The following TRPM5 variants were observed in gnomAD, a reference collection of about 807,000 sequenced individuals.
The protein encoded by TRPM5 is MLSN1 and TRP-related.
TRPM5 carries 121 observed loss-of-function variants against 124.9 expected under a neutral mutation model. The ratio of observed to expected loss-of-function variants is 0.97; its 90% CI spans 0.84 to 1.13. TRPM5 has a LOEUF of 1.13. Among genes scored for constraint, TRPM5 ranks in the 50% most tolerant of loss-of-function variants. The probability of loss-of-function intolerance (pLI) is 0.00; values close to 1 mark genes in which losing one functional copy is unlikely to be tolerated. For synonymous variants in TRPM5, 781 were observed against 700.5 expected (o/e 1.11, Z -1.81); for missense variants, 1,643 against 1,589.1 (o/e 1.03, Z -0.58).
chr11:2,422,007 C>CA lies in TRPM5; in HGVS notation c.298+133_298+134insT, dbSNP rs1454128237. ...TGTGGGGTGGGAGCATTGCCTGTGC[C>CA]GGGTGGGGGGACAGTCAGGGGGTCT... On this transcript the variant is annotated intron_variant, in intron 2 of 23. Transcript: ENST00000155858. 600 of 682,456 alleles carry CA rather than the reference C, an allele frequency of 8.8e-4. 1 individual carries two copies. The highest frequency in any genetic ancestry group is 5.6e-3 in the East Asian group (171 of 30,530). The allele number at this position is 682,456 out of a possible 1,614,324, so 42.3% of individuals were successfully genotyped here. A position where few individuals can be genotyped will look rare whatever the true frequency, so the allele number is the denominator to read the frequency against.
intron 7 of TRPM5, 72 bp downstream of exon 12, chr11:2,417,655 C>A: frequency 2.3e-6 from 3 of 1,298,924 alleles, no homozygotes; most frequent in Non-Finnish European, 2.2e-6. Context: ...GGCCAGGCTG[C>A]CAAACCCCAA....
exon 20 of TRPM5, chr11:2,407,169 G>C (rs143447627): frequency 6.2e-7 from 1 of 1,611,026 alleles, no homozygotes; most frequent in Non-Finnish European, 8.5e-7. Flanking sequence ...CCGGCGGAGC[G>C]TCAGGCTCAG....
intron 2 of TRPM5, among the ~76,000 whole-genome samples, chr11:2,421,860 C>A (rs925492575): frequency 5.9e-5 from 9 of 152,162 alleles, no homozygotes; most frequent in African/African-American, 2.2e-4. Context: ...CCAGGCCCAG[C>A]TGGGGGAGGT....
the TRPM5 span, among the ~76,000 whole-genome samples, chr11:2,432,527 G>A: frequency 9.1e-3 from 1,390 of 152,316 alleles, 23 homozygotes; most frequent in African/African-American, 0.03. Context: ...TGACCCCAGT[G>A]TCCAGGAGAG....
chr11:2,414,134 C>T lies in TRPM5; in HGVS notation c.1817G>A (p.Trp606Ter), dbSNP rs1440522343. Residue 606 changes from tryptophan to a stop codon, truncating the protein, a stop_gained, in exon 12 of 24, where the codon TGG (tryptophan) becomes TAG (stop). Coordinates refer to ENST00000155858, the Ensembl canonical transcript of TRPM5. LOFTEE classifies it high-confidence loss of function. ...CAGGTGCAGGCAGGTGGTCTTGCTC[C>T]AGCAGCGGTTCCGGCGCACCAGCAG... is the stretch of plus-strand genomic sequence containing the variant. The T allele has an allele frequency of 1.2e-6, 2 of 1,606,314 alleles. No individual in the cohort carries two copies. The highest frequency in any genetic ancestry group is 2.2e-5 in the South Asian group (2 of 89,388).
At chr11:2,408,586 G>A (rs1850373436) in intron 18 of TRPM5, among the ~76,000 whole-genome samples, 1 of 152,194 alleles carries the variant, frequency 6.6e-6, no homozygotes. Context: ...TCGGCCCTGG[G>A]CAGGGACACC....
Position 2,420,401 on chromosome 11 carries a change from T to C in TRPM5, c.470A>G (p.Asp157Gly), listed in dbSNP as rs866866202. The C allele has an allele frequency of 6.8e-6, 11 of 1,608,016 alleles. No individual in the cohort carries two copies. In the African/African-American group the frequency reaches 9.3e-5, roughly 14 times the overall value. ...ATCCTCAGGGTAGTGGACAGGAAAA[T>C]CCTCCTGCGCCCATGCAGGGAGACG... The change falls in exon 4 of 24, where the codon GAT (aspartate) becomes GGT (glycine). Residue 157 changes from aspartate (D) to glycine (G), a missense_variant. By Grantham distance (94) the Asp-to-Gly change is moderately conservative. Coordinates refer to ENST00000155858, the Ensembl canonical transcript of TRPM5.
At chr11:2,411,970 C>T (rs1008499067) in intron 16 of TRPM5, among the ~76,000 whole-genome samples, 165 bp downstream of exon 21, 3 of 152,202 alleles carry the variant, frequency 2.0e-5, no homozygotes, top group Non-Finnish European at 4.4e-5. Context: ...GGCATGATCA[C>T]GGCTTGCTGC....
intron 18 of TRPM5, among the ~76,000 whole-genome samples, 161 bp downstream of exon 23, chr11:2,411,190 TG>T (rs1405814819): frequency 6.6e-6 from 1 of 151,816 alleles, no homozygotes; most frequent in Non-Finnish European, 1.5e-5. Flanking sequence ...CTTTGGGGTG[TG>T]GGGGGCCTGG....
chr11:2,434,389 T>C, the TRPM5 span, among the ~76,000 whole-genome samples: 1 of 143,336 alleles, frequency 7.0e-6, no homozygotes, highest in African/African-American at 2.6e-5. Flanking sequence ...TGGATGCTGT[T>C]TGTGAGAGTG....
rs370592682 is a variant in TRPM5 at position 2,407,108 on chromosome 11, C to T, written c.3118+11G>A. 42 of 1,527,808 alleles carry T rather than the reference C, an allele frequency of 2.7e-5. 1 individual carries two copies. The African/African-American group carries it at 5.5e-4, about 20-fold the overall frequency. The allele number at this position is 1,527,808 out of a possible 1,614,324, so 94.6% of individuals were successfully genotyped here. ...CCTCACCCAGGTGCTCCCGCTTGTG[C>T]TCGGCCTCACCCAGGTGCTCCCGCT... On this transcript the variant is annotated intron_variant, in intron 20 of 23. Transcript: ENST00000155858.
At position 2,413,056 on chromosome 11, in the gene TRPM5, C is replaced by T. The variant is rs952492625; in HGVS notation, c.2097-44G>A. The T allele has an allele frequency of 1.3e-5, 21 of 1,560,258 alleles. 1 individual carries two copies. The Admixed American group carries it at 2.9e-4, about 21-fold the overall frequency. ...CGCAGTGGTGAGGCTGGCGCCCAGC[C>T]GGGTGCCCCACCAGAGTCCAGCCTC... is the stretch of plus-strand genomic sequence containing the variant. On this transcript the variant is annotated intron_variant, in intron 14 of 23. Coordinates refer to ENST00000155858, the Ensembl canonical transcript of TRPM5.
the TRPM5 span, among the ~76,000 whole-genome samples, chr11:2,439,054 G>A: frequency 2.6e-5 from 4 of 152,112 alleles, no homozygotes; most frequent in Non-Finnish European, 5.9e-5. Flanking sequence ...CTTCAACAAA[G>A]TCAACAAAAA....
chr11:2,428,939 GTAA>G, the TRPM5 span, among the ~76,000 whole-genome samples: 3 of 69,980 alleles, frequency 4.3e-5, no homozygotes, highest in Non-Finnish European at 6.9e-5. This position sits in a 1 kb window ranked among gnomAD's most constrained non-coding sequence, Gnocchi z 4.0. Flanking sequence ...GATGGTGGTG[GTAA>G]TAATCATGGG....
At chr11:2,424,308 G>A (rs944413740), upstream of TRPM5, among the ~76,000 whole-genome samples, 1 of 152,256 alleles carries the variant, frequency 6.6e-6, no homozygotes, top group South Asian at 2.1e-4. Context: ...GAGAGGGAGT[G>A]TGTCCTGGGA....
At chr11:2,439,498 C>T in the TRPM5 span, among the ~76,000 whole-genome samples, 6 of 152,190 alleles carry the variant, frequency 3.9e-5, no homozygotes, top group South Asian at 2.1e-4. Context: ...TAAATAACCC[C>T]GTAAAAATTG....
At chr11:2,421,067 G>C in exon 3 of TRPM5, 4 of 1,548,474 alleles carry the variant, frequency 2.6e-6, no homozygotes, top group Non-Finnish European at 3.5e-6. Context: ...TGCAGGACGC[G>C]GCCCAGCGAG....
At chr11:2,430,511 G>A in the TRPM5 span, among the ~76,000 whole-genome samples, 9 of 152,048 alleles carry the variant, frequency 5.9e-5, no homozygotes, top group East Asian at 1.5e-3. Context: ...TGGTGATGGT[G>A]GTAGTAATGA....
chr11:2,429,330 T>G, the TRPM5 span, among the ~76,000 whole-genome samples: 1 of 151,144 alleles, frequency 6.6e-6, no homozygotes, highest in Non-Finnish European at 1.5e-5. The surrounding 1 kb of genome is among the most constrained non-coding windows in gnomAD (Gnocchi z 8.4). Flanking sequence ...GTGGTGATGA[T>G]GAGGGTGATG....
Sources: allele counts gnomAD v4.1 joint callset (sites outside exome capture counted in the v4.1 genomes callset), GRCh38; gene constraint gnomAD v4.1.1; non-coding constraint Gnocchi (gnomAD v3.1); transcripts MANE v1.5; gene names NCBI Gene and HGNC (gene_info 2026-07-23, HGNC 2026-07-21).